Variants in RBM28 observed in about 807,000 individuals in gnomAD.
RBM28 encodes the protein RNA binding motif protein 28, also known as RNA-binding protein 28.
In RBM28, 78 loss-of-function variants were observed where a neutral mutation model predicts 98.3. The ratio of observed to expected loss-of-function variants is 0.79; its 90% CI spans 0.66 to 0.96. The LOEUF (loss-of-function observed/expected upper bound fraction) is 0.96, where lower values mean the gene tolerates loss of function less well. Ranked by LOEUF, RBM28 falls within the 40% of genes least tolerant of loss-of-function variation. The probability of loss-of-function intolerance (pLI) is 0.00; values close to 1 mark genes in which losing one functional copy is unlikely to be tolerated. For synonymous variants in RBM28, 306 were observed against 330.9 expected (o/e 0.92, Z 0.82); for missense variants, 838 against 913.0 (o/e 0.92, Z 1.06).
In RBM28 at chr7:128,323,544, T is replaced by G. The variant is rs138703329; in HGVS notation, c.1387A>C (p.Met463Leu). 2.7e-3 allele frequency: 4,424 copies of G among 1,614,254 alleles called. 9 individuals carry two copies. Among genetic ancestry groups the G allele is most frequent in the Non-Finnish European group, 3.5e-3 (4,119 of 1,180,048 alleles). Residue 463 changes from methionine to leucine, a missense_variant, in exon 13 of 19, where the codon ATG becomes CTG. Coordinates refer to ENST00000223073, the MANE Select transcript of RBM28 (RefSeq NM_018077.3). ...CTACTCACCCGTTCTCTTTTGGCCATATCAGCAGCACTCACACCCTCTGCA... is the reference window on the plus strand; with the variant it reads ...CTACTCACCCGTTCTCTTTTGGCCAGATCAGCAGCACTCACACCCTCTGCA... ...KAAEGVSAAD[M>L]AKRERFELLK... is the part of the protein sequence containing the mutation.
In RBM28 at chr7:128,302,753, G is replaced by A. The variant is rs1795798881; in HGVS notation, c.*8044C>T. 1 of 152,194 alleles carries A rather than the reference G, an allele frequency of 6.6e-6. No individual in the cohort carries two copies. The highest frequency in any genetic ancestry group is 2.4e-5 in the African/African-American group (1 of 41,432). 9.4% of individuals were successfully genotyped at this position (152,194 alleles called of 1,614,324 possible). On this transcript the variant is annotated 3_prime_UTR_variant, in exon 19 of 19. Transcript: ENST00000223073. Reference sequence around the variant, plus strand: ...GGTAGCAGGAAAAGAAGCTGGTCAAGTAAAGGGTTTAATCCTTTTTTATTT... The same window carrying A: ...GGTAGCAGGAAAAGAAGCTGGTCAAATAAAGGGTTTAATCCTTTTTTATTT...
rs765338092 is a variant in RBM28 at position 128,335,687 on chromosome 7, G to T, written c.810-8C>A. 6.2e-7 allele frequency: 1 copy of T among 1,614,138 alleles called. No homozygotes were observed. Among genetic ancestry groups the T allele is most frequent in the South Asian group, 1.1e-5 (1 of 91,076 alleles). ...GCTGGTCTCTTGACTGCTCTGCAATGGCACAGATCAGAACTAAGGAGGTGG... is the reference window on the plus strand; with the variant it reads ...GCTGGTCTCTTGACTGCTCTGCAATTGCACAGATCAGAACTAAGGAGGTGG... On this transcript the variant is annotated splice_polypyrimidine_tract_variant and splice_region_variant and intron_variant, in intron 7 of 18. Coordinates refer to ENST00000223073, the MANE Select transcript of RBM28 (RefSeq NM_018077.3).
intron 13 of RBM28, among the ~76,000 whole-genome samples, chr7:128,322,249 T>C (rs1303085954): frequency 6.6e-6 from 1 of 152,028 alleles, no homozygotes; most frequent in African/African-American, 2.4e-5. Context: ...GGCAAAGGAG[T>C]ATCAATGACC....
chr7:128,325,621 G>C (rs1439716046), intron 11 of RBM28, among the ~76,000 whole-genome samples, 197 bp downstream of exon 11: 2 of 152,090 alleles, frequency 1.3e-5, no homozygotes, highest in Admixed American at 6.5e-5. Flanking sequence ...TCATAATTCT[G>C]CCTACCTCAA....
rs887152480 is a variant in RBM28 at position 128,330,741 on chromosome 7, T to C, written c.1129+78A>G. 1.1e-5 allele frequency: 11 copies of C among 1,032,286 alleles called. No individual in the cohort carries two copies. The African/African-American group carries it at 1.7e-4, about 16-fold the overall frequency. 63.9% of individuals were successfully genotyped at this position (1,032,286 alleles called of 1,614,324 possible). ...TGTGAACCCCTCAAAATGGCACACA[T>C]TATGCTCTCGTAACCTAGTCAGTGC... is the stretch of plus-strand genomic sequence containing the variant. On this transcript the variant is annotated intron_variant, in intron 10 of 18. Transcript: ENST00000223073.
intron 17 of RBM28, among the ~76,000 whole-genome samples, chr7:128,313,891 C>T (rs938158618): frequency 3.9e-5 from 6 of 152,192 alleles, no homozygotes; most frequent in Admixed American, 1.3e-4. Flanking sequence ...CTGAGGCCTC[C>T]CTAGAAGATG....
In RBM28 at chr7:128,339,372, C is replaced by T. The variant is rs563704265; in HGVS notation, c.278-51G>A. 47 of 1,422,614 alleles carry T rather than the reference C, an allele frequency of 3.3e-5. No individual in the cohort carries two copies. The Admixed American group carries it at 5.7e-4, about 17-fold the overall frequency. 88.1% of individuals were successfully genotyped at this position (1,422,614 alleles called of 1,614,324 possible). On this transcript the variant is annotated intron_variant, in intron 2 of 18. Transcript: ENST00000223073. ...AGTACTCGAAAATCACCCACTTCTA[C>T]GCCAGAACATCACAGAAAAAAAAGC... is the stretch of plus-strand genomic sequence containing the variant.
At position 128,337,115 on chromosome 7, in the gene RBM28, C is replaced by T; in HGVS notation, c.613+16G>A. 6.2e-7 allele frequency: 1 copy of T among 1,613,528 alleles called. No individual in the cohort carries two copies. Among genetic ancestry groups the T allele is most frequent in the Non-Finnish European group, 8.5e-7 (1 of 1,179,454 alleles). ...TTATACAACGCCCCTACTCACCCAA[C>T]ACTACCACATCTTACCTATAGCAGA... is the stretch of plus-strand genomic sequence containing the variant. On this transcript the variant is annotated intron_variant, in intron 6 of 18. Coordinates refer to ENST00000223073, the MANE Select transcript of RBM28 (RefSeq NM_018077.3).
chr7:128,330,894 C>A lies in RBM28; in HGVS notation c.1054G>T (p.Gly352Trp). 6.2e-7 allele frequency: 1 copy of A among 1,614,022 alleles called. No homozygotes were observed. Among genetic ancestry groups the A allele is most frequent in the Non-Finnish European group, 8.5e-7 (1 of 1,179,890 alleles). The change falls in exon 10 of 19, where the codon GGG becomes TGG. Residue 352 changes from glycine (G) to tryptophan (W), a missense_variant. By Grantham distance (184) the Gly-to-Trp change is radical. Transcript: ENST00000223073. ...TCTCCAAACTGTTGGAGAAGCTCCCCAAGTTCTTCTTCTTCTGAGTCAAAG... is the reference window on the plus strand; with the variant it reads ...TCTCCAAACTGTTGGAGAAGCTCCCAAAGTTCTTCTTCTTCTGAGTCAAAG... ...LSFDSEEEELGELLQQFGELK... is the reference protein window; with the variant it reads ...LSFDSEEEELWELLQQFGELK...
rs143707013 is a variant in RBM28, at chr7:128,324,017, G to A, written c.1340-426C>T. On this transcript the variant is annotated intron_variant, in intron 12 of 18. Transcript: ENST00000223073. Reference sequence around the variant, plus strand: ...TACTAAACAGTGAGATAAGCCAGCCGAAAACAGTTATGTTGCCATAGAAGG... The same window carrying A: ...TACTAAACAGTGAGATAAGCCAGCCAAAAACAGTTATGTTGCCATAGAAGG... Among the ~76,000 whole-genome samples the A allele has an allele frequency of 6.0e-3, 918 of 152,258 alleles. 16 individuals carry two copies. Among genetic ancestry groups the A allele is most frequent in the African/African-American group, 0.021 (860 of 41,546 alleles).
In RBM28 at chr7:128,299,008, C is replaced by G. The variant is rs1168762281; in HGVS notation, c.*11789G>C. The G allele has an allele frequency of 2.0e-5, 1 of 50,956 alleles. No individual in the cohort carries two copies. Among genetic ancestry groups the G allele is most frequent in the Admixed American group, 2.7e-4 (1 of 3,756 alleles). 3.2% of individuals were successfully genotyped at this position (50,956 alleles called of 1,614,324 possible). On this transcript the variant is annotated 3_prime_UTR_variant, in exon 19 of 19. Coordinates refer to ENST00000223073, the MANE Select transcript of RBM28 (RefSeq NM_018077.3). Reference sequence around the variant, plus strand: ...AGCCTGGGAGACAGAGTGAGACCCTCTCTCTCAAAAAAAAAAAAAAATGTA... The same window carrying G: ...AGCCTGGGAGACAGAGTGAGACCCTGTCTCTCAAAAAAAAAAAAAAATGTA...
chr7:128,341,083 A>C, intron 1 of RBM28: 1 of 1,157,476 alleles, frequency 8.6e-7, no homozygotes, highest in South Asian at 1.4e-5. Context: ...ATTGCATCAA[A>C]AAGGAAAAGG....
Position 128,303,205 on chromosome 7 carries a change from T to C in RBM28, c.*7592A>G, listed in dbSNP as rs1035242832. On this transcript the variant is annotated 3_prime_UTR_variant, in exon 19 of 19. Coordinates refer to ENST00000223073, the MANE Select transcript of RBM28 (RefSeq NM_018077.3). ...ATAGCTGGCAAAAAGTGTTCTGTTC[T>C]TATATATGAGACAGTTCCTGAAATA... 11 of 152,212 alleles carry C rather than the reference T, an allele frequency of 7.2e-5. No individual in the cohort carries two copies. The highest frequency in any genetic ancestry group is 2.4e-4 in the African/African-American group (10 of 41,454). The allele number at this position is 152,212 out of a possible 1,614,324, so 9.4% of individuals were successfully genotyped here. A position where few individuals can be genotyped will look rare whatever the true frequency, so the allele number is the denominator to read the frequency against.
intron 10 of RBM28, among the ~76,000 whole-genome samples, chr7:128,326,653 C>T (rs1796359141): frequency 6.6e-6 from 1 of 152,040 alleles, no homozygotes; most frequent in Non-Finnish European, 1.5e-5. Flanking sequence ...GACAAAATCA[C>T]CAAATAATGA....
intron 10 of RBM28, among the ~76,000 whole-genome samples, chr7:128,329,186 C>T (rs2116363162): frequency 1.3e-5 from 2 of 152,176 alleles, no homozygotes; most frequent in South Asian, 4.1e-4. Flanking sequence ...CACAACCTCC[C>T]CCTCCCAGGT....
chr7:128,333,970 G>A (rs1047712053), intron 8 of RBM28, among the ~76,000 whole-genome samples: 3 of 152,180 alleles, frequency 2.0e-5, no homozygotes, highest in Non-Finnish European at 4.4e-5. Flanking sequence ...GAAACTTTGA[G>A]GAAAAAACAT....
rs1795925212 is a variant in RBM28, at chr7:128,309,075, T to C, written c.*1722A>G. ...CAACTAGACTAAGCAATCAAGAATTTTGGGCCACGTTCTCAACTTTTTCTC... is the reference window on the plus strand; with the variant it reads ...CAACTAGACTAAGCAATCAAGAATTCTGGGCCACGTTCTCAACTTTTTCTC... On this transcript the variant is annotated 3_prime_UTR_variant, in exon 19 of 19. Transcript: ENST00000223073. 1 of 151,984 alleles carries C rather than the reference T, an allele frequency of 6.6e-6. No homozygotes were observed. The highest frequency in any genetic ancestry group is 1.5e-5 in the Non-Finnish European group (1 of 68,004). 9.4% of individuals were successfully genotyped at this position (151,984 alleles called of 1,614,324 possible).
rs563793404 is a variant in RBM28 at position 128,304,459 on chromosome 7, G to A, written c.*6338C>T. 2.0e-5 allele frequency: 3 copies of A among 152,362 alleles called. No individual in the cohort carries two copies. The East Asian group carries it at 5.8e-4, about 29-fold the overall frequency. The allele number at this position is 152,362 out of a possible 1,614,324, so 9.4% of individuals were successfully genotyped here. On this transcript the variant is annotated 3_prime_UTR_variant, in exon 19 of 19. Coordinates refer to ENST00000223073, the MANE Select transcript of RBM28 (RefSeq NM_018077.3). Reference sequence around the variant, plus strand: ...AATGCCAGAAAGTTTCCACCCCATTGACAGGCTTGGAGTCTTGAGTACCAT... The same window carrying A: ...AATGCCAGAAAGTTTCCACCCCATTAACAGGCTTGGAGTCTTGAGTACCAT...
chr7:128,325,054 CATAAT>C (rs918275450), intron 11 of RBM28, among the ~76,000 whole-genome samples: 1 of 152,008 alleles, frequency 6.6e-6, no homozygotes, highest in Admixed American at 6.6e-5. Flanking sequence ...CAAAACAACA[CATAAT>C]GAGTAGAAAC....
Sources: allele counts gnomAD v4.1 joint callset (sites outside exome capture counted in the v4.1 genomes callset), GRCh38; gene constraint gnomAD v4.1.1; transcripts MANE v1.5; gene names NCBI Gene and HGNC (gene_info 2026-07-23, HGNC 2026-07-21).